Variants in CRKL observed in about 807,000 individuals in gnomAD.
CRKL encodes crk-like protein.
CRKL carries 3 observed loss-of-function variants against 23.0 expected under a neutral mutation model. That is an observed-to-expected ratio of 0.13 (90% CI 0.06 to 0.34). The LOEUF is 0.34. Among genes scored for constraint, CRKL ranks in the 10% least tolerant of loss-of-function variants. The pLI, the probability that CRKL is intolerant of heterozygous loss-of-function variation, is 1.00. For missense variants in CRKL, 256 were observed against 394.5 expected (o/e 0.65, Z 2.97); for synonymous variants, 188 against 160.7 (o/e 1.17, Z -1.28).
At chr22:20,918,563 C>G (rs1929776903) in intron 1 of CRKL, among the ~76,000 whole-genome samples, 3 of 150,026 alleles carry the variant, frequency 2.0e-5, no homozygotes. Flanking sequence ...AATACTGATG[C>G]AGGGATTTGT....
At chr22:20,923,827 C>T (rs1921085253) in intron 1 of CRKL, among the ~76,000 whole-genome samples, 1 of 151,754 alleles carries the variant, frequency 6.6e-6, no homozygotes, top group African/African-American at 2.4e-5. Context: ...ATCTGCTCGC[C>T]TCGGCCTCCC....
intron 2 of CRKL, among the ~76,000 whole-genome samples, chr22:20,944,425 G>T (rs6004988): frequency 6.6e-6 from 1 of 151,906 alleles, no homozygotes; most frequent in Non-Finnish European, 1.5e-5. Context: ...GTTTTGTTTA[G>T]ACAGAGTCTT....
chr22:20,941,588 A>ATATTTTTTTTTTTTT (rs1247116681), intron 2 of CRKL, among the ~76,000 whole-genome samples: 1 of 33,554 alleles, frequency 3.0e-5, no homozygotes, highest in Non-Finnish European at 5.0e-5. Context: ...GTATATATAT[A>ATATTTTTTTTTTTTT]TTTTTTTTTT....
intron 1 of CRKL, among the ~76,000 whole-genome samples, chr22:20,925,019 C>T (rs142675436): frequency 1.8e-4 from 27 of 152,036 alleles, no homozygotes; most frequent in African/African-American, 6.5e-4. Flanking sequence ...GAAACCCCGT[C>T]TCTACTAAAA....
chr22:20,946,796 C>G (rs1922074677), intron 2 of CRKL, among the ~76,000 whole-genome samples: 1 of 152,000 alleles, frequency 6.6e-6, no homozygotes, highest in African/African-American at 2.4e-5. Context: ...ACCATGAACC[C>G]AGAGGAAGAG....
intron 1 of CRKL, among the ~76,000 whole-genome samples, chr22:20,930,353 C>T (rs981363377): frequency 1.3e-5 from 2 of 152,108 alleles, no homozygotes; most frequent in East Asian, 1.9e-4. Flanking sequence ...ATAGACAATA[C>T]GTAAATGAAT....
chr22:20,918,946 A>ACCCCC, intron 1 of CRKL, among the ~76,000 whole-genome samples: 1 of 145,380 alleles, frequency 6.9e-6, no homozygotes, highest in Non-Finnish European at 1.5e-5. Context: ...CCGAGCACTC[A>ACCCCC]CCACCCCACC....
chr22:20,945,494 C>T (rs993334561), intron 2 of CRKL, among the ~76,000 whole-genome samples: 2 of 152,138 alleles, frequency 1.3e-5, no homozygotes, highest in African/African-American at 4.8e-5. Flanking sequence ...CGCCCCCTAC[C>T]TTTCCCAAAT....
At chr22:20,928,293 A>G (rs2147899938) in intron 1 of CRKL, among the ~76,000 whole-genome samples, 1 of 151,452 alleles carries the variant, frequency 6.6e-6, no homozygotes, top group African/African-American at 2.4e-5. Context: ...ATCTCTGCAA[A>G]AAATTAAACA....
chr22:20,925,066 T>G (rs1921146756), intron 1 of CRKL, among the ~76,000 whole-genome samples: 1 of 151,394 alleles, frequency 6.6e-6, no homozygotes. Flanking sequence ...CATGCATCTG[T>G]AGTCCCAGCT....
intron 1 of CRKL, among the ~76,000 whole-genome samples, chr22:20,921,244 C>T (rs1425434930): frequency 6.6e-6 from 1 of 152,210 alleles, no homozygotes; most frequent in Non-Finnish European, 1.5e-5. Context: ...GTTTATCTTG[C>T]ATAGCTAAAA....
chr22:20,939,876 C>T (rs1408006195), intron 2 of CRKL, among the ~76,000 whole-genome samples: 1 of 151,256 alleles, frequency 6.6e-6, no homozygotes, highest in Admixed American at 6.6e-5. Context: ...GCACCCTCTA[C>T]CTCCCAGGTT....
chr22:20,943,954 A>G (rs944714208), intron 2 of CRKL, among the ~76,000 whole-genome samples: 2 of 152,164 alleles, frequency 1.3e-5, no homozygotes, highest in Non-Finnish European at 2.9e-5. Context: ...TTTTGTAGTA[A>G]TTTTGAAGTC....
At chr22:20,921,881 T>C (rs180866834) in intron 1 of CRKL, among the ~76,000 whole-genome samples, 13 of 150,074 alleles carry the variant, frequency 8.7e-5, no homozygotes, top group Non-Finnish European at 1.3e-4. Context: ...GCAAATTTTT[T>C]GTATTTTTAG....
intron 1 of CRKL, among the ~76,000 whole-genome samples, chr22:20,930,680 C>CTTTTT (rs151090592): frequency 2.1e-5 from 1 of 48,018 alleles, no homozygotes. Flanking sequence ...ACACGCCTGG[C>CTTTTT]TTTTTTTTTT....
intron 1 of CRKL, among the ~76,000 whole-genome samples, chr22:20,927,331 C>G (rs1306119294): frequency 1.4e-5 from 2 of 147,696 alleles, no homozygotes; most frequent in Non-Finnish European, 3.0e-5. Flanking sequence ...GCTGCGATTA[C>G]AGGCGCCCAC....
chr22:20,949,423 G>A (rs2266955), intron 2 of CRKL, among the ~76,000 whole-genome samples: 98,176 of 152,094 alleles, frequency 0.65, 32,320 homozygotes, highest in South Asian at 0.8. Context: ...TCCAGCCTGG[G>A]CGACAGACCC....
chr22:20,923,478 C>T (rs574683694), intron 1 of CRKL, among the ~76,000 whole-genome samples: 11 of 151,842 alleles, frequency 7.2e-5, no homozygotes, highest in African/African-American at 2.7e-4. Context: ...GGGGTTTCAC[C>T]GTGTTAGCCA....
At position 20,935,942 on chromosome 22, in the gene CRKL, G is replaced by A. The variant is rs1448756226; in HGVS notation, c.777+1698G>A. On this transcript the variant is annotated intron_variant, in intron 2 of 2. Coordinates refer to ENST00000354336, the MANE Select transcript of CRKL (RefSeq NM_005207.4). ...GGGCGAGGCTGGTGGATAACTTGAG[G>A]TCTGGAGTTTGAGACCAGTCTGGTC... is the stretch of plus-strand genomic sequence containing the variant. Among the ~76,000 whole-genome samples the A allele has an allele frequency of 5.9e-5, 9 of 152,110 alleles. No individual in the cohort carries two copies. In the East Asian group the frequency reaches 1.3e-3, roughly 23 times the overall value.
Sources: allele counts gnomAD v4.1 joint callset (sites outside exome capture counted in the v4.1 genomes callset), GRCh38; gene constraint gnomAD v4.1.1; transcripts MANE v1.5; gene names NCBI Gene and HGNC (gene_info 2026-07-23, HGNC 2026-07-21).